PTPRD: variants seen among roughly 807,000 people sequenced by gnomAD.
The protein encoded by PTPRD is receptor-type tyrosine-protein phosphatase delta.
In PTPRD, 34 loss-of-function variants were observed where a neutral mutation model predicts 214.5. The ratio of observed to expected loss-of-function variants is 0.16; its 90% CI spans 0.12 to 0.21. The LOEUF (loss-of-function observed/expected upper bound fraction) is 0.21, where lower values mean the gene tolerates loss of function less well. Ranked by LOEUF, PTPRD falls within the 10% of genes least tolerant of loss-of-function variation. PTPRD has a pLI of 1.00. For missense variants in PTPRD, 2,545 were observed against 2,398.7 expected, an observed-to-expected ratio of 1.06 and a Z score of -1.27; for synonymous variants, 1,128 against 845.7, an observed-to-expected ratio of 1.33 and a Z score of -5.79.
intron 39 of PTPRD, among the ~76,000 whole-genome samples, chr9:8,358,672 G>A (rs1176458439): frequency 1.3e-5 from 2 of 152,068 alleles, no homozygotes; most frequent in Admixed American, 1.3e-4. Flanking sequence ...TGAGGACCTA[G>A]AATTGAATAT....
At chr9:10,588,798 C>T (rs2074633496) in intron 2 of PTPRD, among the ~76,000 whole-genome samples, 1 of 151,894 alleles carries the variant, frequency 6.6e-6, no homozygotes. Flanking sequence ...GTCTCTCTGG[C>T]CCCCTATTTC....
At chr9:9,531,218 A>G (rs2075386738) in intron 8 of PTPRD, among the ~76,000 whole-genome samples, 1 of 152,120 alleles carries the variant, frequency 6.6e-6, no homozygotes, top group Non-Finnish European at 1.5e-5. Context: ...CATTCTGTAG[A>G]ATGCTACTCA....
chr9:9,493,351 A>G (rs567709985), intron 8 of PTPRD, among the ~76,000 whole-genome samples: 1 of 152,312 alleles, frequency 6.6e-6, no homozygotes, highest in Admixed American at 6.5e-5. Context: ...TATTCTGTTA[A>G]TTCACCAGGA....
intron 11 of PTPRD, among the ~76,000 whole-genome samples, chr9:8,992,143 A>G (rs1234440276): frequency 2.0e-5 from 3 of 152,152 alleles, no homozygotes; most frequent in Non-Finnish European, 1.5e-5. Flanking sequence ...ATGACAGACA[A>G]ATTTGCTGGT....
intron 5 of PTPRD, among the ~76,000 whole-genome samples, chr9:9,812,666 AG>A (rs1455723881): frequency 6.6e-6 from 1 of 152,224 alleles, no homozygotes; most frequent in Non-Finnish European, 1.5e-5. Context: ...AAATATGTAA[AG>A]AAAATATAAA....
At chr9:8,643,896 C>T (rs371195308) in intron 12 of PTPRD, among the ~76,000 whole-genome samples, 1 of 152,282 alleles carries the variant, frequency 6.6e-6, no homozygotes, top group East Asian at 1.9e-4. Flanking sequence ...GGGATGGATC[C>T]GGTGAGGTCC....
At chr9:8,450,883 C>G (rs10977115) in intron 33 of PTPRD, among the ~76,000 whole-genome samples, 49,388 of 151,816 alleles carry the variant, frequency 0.33, 9,014 homozygotes, top group East Asian at 0.52. Flanking sequence ...CTCTACACCA[C>G]AGTCACAATC....
At chr9:9,783,161 T>C (rs759173824) in intron 5 of PTPRD, among the ~76,000 whole-genome samples, 1 of 152,198 alleles carries the variant, frequency 6.6e-6, no homozygotes, top group Non-Finnish European at 1.5e-5. Flanking sequence ...TTAAAGTTTA[T>C]TTAGAAAAGT....
chr9:8,680,451 A>G (rs928082691), intron 12 of PTPRD, among the ~76,000 whole-genome samples: 2 of 152,222 alleles, frequency 1.3e-5, no homozygotes, highest in African/African-American at 2.4e-5. Flanking sequence ...TTCTGACATC[A>G]TAAGTGACTG....
intron 9 of PTPRD, among the ~76,000 whole-genome samples, chr9:9,309,403 AATG>A (rs1203557296): frequency 5.9e-5 from 9 of 152,168 alleles, no homozygotes; most frequent in Non-Finnish European, 1.0e-4. Flanking sequence ...ATGTGCTAGC[AATG>A]ATGCCAAAAC....
intron 12 of PTPRD, among the ~76,000 whole-genome samples, chr9:8,725,046 T>G (rs561662628): frequency 1.3e-5 from 2 of 152,288 alleles, no homozygotes; most frequent in Admixed American, 6.5e-5. Flanking sequence ...AACTTCCTGG[T>G]TTTGATAATG....
At chr9:10,456,673 A>G (rs80115609) in intron 2 of PTPRD, among the ~76,000 whole-genome samples, 10,561 of 151,880 alleles carry the variant, frequency 0.07, 559 homozygotes, top group African/African-American at 0.13. Context: ...CCAGATTCAG[A>G]GATTCATCTT....
At chr9:10,045,262 T>C (rs1442035935) in intron 3 of PTPRD, among the ~76,000 whole-genome samples, 2 of 151,766 alleles carry the variant, frequency 1.3e-5, no homozygotes, top group African/African-American at 4.8e-5. Context: ...TAATATTTTT[T>C]TGGAAAAACA....
intron 11 of PTPRD, among the ~76,000 whole-genome samples, chr9:8,830,731 G>C (rs1009031297): frequency 1.3e-5 from 2 of 152,066 alleles, no homozygotes; most frequent in African/African-American, 2.4e-5. Flanking sequence ...GAGAAAACAA[G>C]TGCAAATGGT....
intron 2 of PTPRD, among the ~76,000 whole-genome samples, chr9:10,549,218 G>A (rs1044433884): frequency 6.6e-6 from 1 of 152,136 alleles, no homozygotes; most frequent in Admixed American, 6.6e-5. Flanking sequence ...ATTAACTAAT[G>A]TAAGTACTGC....
Position 9,618,071 on chromosome 9 carries a change from C to CAAAAAAAAAAAAAAAA in PTPRD, c.-286-43306_-286-43291dup, listed in dbSNP as rs34125624. ...TGGGCGACAGAGCGAGACTCCATCT[C>CAAAAAAAAAAAAAAAA]AAAAAAAAAAAAAAAAAAAAAAAAA... On this transcript the variant is annotated intron_variant, in intron 7 of 45. Coordinates refer to ENST00000381196, the MANE Select transcript of PTPRD (RefSeq NM_002839.4). 1.2e-3 allele frequency among the ~76,000 whole-genome samples: 27 copies of CAAAAAAAAAAAAAAAA among 23,028 alleles called. 5 individuals carry two copies. The highest frequency in any genetic ancestry group is 1.6e-3 in the Non-Finnish European group (20 of 12,788). 15.1% of individuals were successfully genotyped at this position (23,028 alleles called of 152,430 possible). A position where few individuals can be genotyped will look rare whatever the true frequency, so the allele number is the denominator to read the frequency against.
intron 9 of PTPRD, among the ~76,000 whole-genome samples, chr9:9,342,239 A>T (rs2047084214): frequency 6.6e-6 from 1 of 152,214 alleles, no homozygotes; most frequent in Non-Finnish European, 1.5e-5. Flanking sequence ...CATGCTTTAT[A>T]GAACTCCCAC....
At chr9:9,555,780 G>A (rs988869934) in intron 8 of PTPRD, among the ~76,000 whole-genome samples, 3 of 152,078 alleles carry the variant, frequency 2.0e-5, no homozygotes, top group Non-Finnish European at 4.4e-5. Context: ...TATATTATAT[G>A]AGAAAATTAT....
At chr9:8,709,707 A>G (rs1232891911) in intron 12 of PTPRD, among the ~76,000 whole-genome samples, 1 of 152,130 alleles carries the variant, frequency 6.6e-6, no homozygotes, top group Non-Finnish European at 1.5e-5. Context: ...TTGTCTGTCA[A>G]TATAAAAAAA....
Sources: allele counts gnomAD v4.1 joint callset (sites outside exome capture counted in the v4.1 genomes callset), GRCh38; gene constraint gnomAD v4.1.1; transcripts MANE v1.5; gene names NCBI Gene and HGNC (gene_info 2026-07-23, HGNC 2026-07-21).